MYCBP2: variants seen among roughly 807,000 people sequenced by gnomAD.
MYCBP2 encodes the protein MYC binding protein 2.
In MYCBP2, 120 loss-of-function variants were observed where a neutral mutation model predicts 525.3. That is an observed-to-expected ratio of 0.23 (90% CI 0.20 to 0.27). The LOEUF is 0.27. Ranked by LOEUF, MYCBP2 falls within the 10% of genes least tolerant of loss-of-function variation. The pLI is 1.00. For missense variants in MYCBP2, 4,149 were observed against 5,657.1 expected (o/e 0.73, Z 8.55); for synonymous variants, 1,894 against 1,955.8 (o/e 0.97, Z 0.83).
chr13:77,075,191 G>A (rs2042068632), intron 68 of MYCBP2, among the ~76,000 whole-genome samples: 1 of 152,156 alleles, frequency 6.6e-6, no homozygotes, highest in South Asian at 2.1e-4. Flanking sequence ...CTGGATGACA[G>A]AGAGAGACCC....
At chr13:77,188,096 C>A (rs1217769247) in intron 30 of MYCBP2, among the ~76,000 whole-genome samples, 2 of 145,798 alleles carry the variant, frequency 1.4e-5, no homozygotes, top group Non-Finnish European at 3.0e-5. Flanking sequence ...AAAAAAAGGT[C>A]TGGGAAGATA....
At chr13:77,177,451 C>A (rs2059820964) in intron 35 of MYCBP2, among the ~76,000 whole-genome samples, 1 of 151,026 alleles carries the variant, frequency 6.6e-6, no homozygotes, top group African/African-American at 2.4e-5. Context: ...AAGTGATCCT[C>A]CCACCCCAGC....
At chr13:77,070,206 A>G (rs1235618409) in intron 69 of MYCBP2, among the ~76,000 whole-genome samples, 1 of 152,212 alleles carries the variant, frequency 6.6e-6, no homozygotes, top group Non-Finnish European at 1.5e-5. Context: ...GGTATGCCAA[A>G]ATACTCATTC....
intron 46 of MYCBP2, among the ~76,000 whole-genome samples, chr13:77,152,153 G>C (rs2056554204): frequency 1.3e-5 from 2 of 152,166 alleles, no homozygotes; most frequent in African/African-American, 4.8e-5. Flanking sequence ...AGTAGTTTGA[G>C]ACTTTCGCTA....
rs953118638 is a variant in MYCBP2, at chr13:77,094,315, G to A, written c.10200-983C>T. ...GAGTGTCAGTGCATGATGTGTGAAA[G>A]TACAGGCTGCACCACTGAGGTCCAA... On this transcript the variant is annotated intron_variant, in intron 58 of 82. Transcript: ENST00000544440. Among the ~76,000 whole-genome samples, 4 of 152,152 alleles carry A rather than the reference G, an allele frequency of 2.6e-5. 1 individual carries two copies. In the South Asian group the frequency reaches 8.3e-4, roughly 31 times the overall value.
Position 77,130,306 on chromosome 13 carries a change from T to C in MYCBP2, c.7660-3764A>G, listed in dbSNP as rs115910637. Among the ~76,000 whole-genome samples the C allele has an allele frequency of 3.5e-3, 522 of 150,846 alleles. 2 individuals carry two copies. The highest frequency in any genetic ancestry group is 0.012 in the African/African-American group (502 of 40,620). ...ATAAGTCATTTTAGATAATGAAACTTTTCTCATTATCTCATTTTAGATAAT... is the reference window on the plus strand; with the variant it reads ...ATAAGTCATTTTAGATAATGAAACTCTTCTCATTATCTCATTTTAGATAAT... On this transcript the variant is annotated intron_variant, in intron 52 of 82. Coordinates refer to ENST00000544440, the MANE Select transcript of MYCBP2 (RefSeq NM_015057.5).
At chr13:77,211,549 TTCA>T (rs1175961070) in intron 22 of MYCBP2, among the ~76,000 whole-genome samples, 1 of 152,150 alleles carries the variant, frequency 6.6e-6, no homozygotes, top group African/African-American at 2.4e-5. Context: ...TATATAATTA[TTCA>T]CAGTATCATG....
At chr13:77,123,425 T>C (rs2051100736) in intron 54 of MYCBP2, among the ~76,000 whole-genome samples, 1 of 152,224 alleles carries the variant, frequency 6.6e-6, no homozygotes, top group South Asian at 2.1e-4. Context: ...TTCTATCTTC[T>C]AAGTTTATAA....
chr13:77,124,190 C>T (rs1043159127), intron 54 of MYCBP2, among the ~76,000 whole-genome samples: 4 of 152,076 alleles, frequency 2.6e-5, no homozygotes, highest in Non-Finnish European at 4.4e-5. Context: ...ACCAGCTGTA[C>T]AACCATAGAC....
intron 55 of MYCBP2, among the ~76,000 whole-genome samples, chr13:77,100,949 C>A (rs2046976960): frequency 1.3e-5 from 2 of 152,000 alleles, no homozygotes; most frequent in Admixed American, 6.6e-5. Context: ...AAAAGTAGTT[C>A]AAAAAATTGC....
intron 24 of MYCBP2, 102 bp from the exon 25 acceptor site, chr13:77,205,700 CA>C (rs1444112272): frequency 1.1e-6 from 1 of 938,960 alleles, no homozygotes; most frequent in Non-Finnish European, 1.5e-6. Context: ...TAAATAAACT[CA>C]GAATGTTACT....
chr13:77,082,283 T>G, intron 63 of MYCBP2: 1 of 266,746 alleles, frequency 3.7e-6, no homozygotes, highest in South Asian at 6.7e-5. Context: ...AATGAATCTA[T>G]TGTGTAAACA....
chr13:77,168,418 C>A lies in MYCBP2; in HGVS notation c.6114+10G>T. ...TTTACATTCGAATCACACTAAGAAC[C>A]GGTGCCTACCTTGTAATGCATCACA... On this transcript the variant is annotated intron_variant, in intron 40 of 82. Coordinates refer to ENST00000544440, the MANE Select transcript of MYCBP2 (RefSeq NM_015057.5). The A allele has an allele frequency of 1.2e-6, 2 of 1,611,214 alleles. No individual in the cohort carries two copies. The highest frequency in any genetic ancestry group is 1.1e-5 in the South Asian group (1 of 90,814).
intron 12 of MYCBP2, 88 bp from the exon 13 acceptor site, chr13:77,260,680 A>G (rs2073117081): frequency 1.8e-5 from 21 of 1,169,812 alleles, no homozygotes; most frequent in Admixed American, 3.0e-5. Flanking sequence ...AAAAAAACCC[A>G]TATTATTTGC....
At chr13:77,085,959 C>T (rs899328525) in intron 62 of MYCBP2, among the ~76,000 whole-genome samples, 1 of 152,080 alleles carries the variant, frequency 6.6e-6, no homozygotes, top group African/African-American at 2.4e-5. Flanking sequence ...TGTAGACTGT[C>T]CTATTTTTCC....
At chr13:77,064,350 T>C (rs917383934) in intron 73 of MYCBP2, among the ~76,000 whole-genome samples, 2 of 152,208 alleles carry the variant, frequency 1.3e-5, no homozygotes, top group African/African-American at 4.8e-5. Context: ...GCAAACAATG[T>C]ACAATGTAAT....
chr13:77,272,580 A>C (rs1389480775), intron 5 of MYCBP2, among the ~76,000 whole-genome samples: 1 of 152,240 alleles, frequency 6.6e-6, no homozygotes, highest in Non-Finnish European at 1.5e-5. Context: ...GCATGTCTAC[A>C]GAACACAGCT....
At chr13:77,233,123 T>C in intron 18 of MYCBP2, 33 bp downstream of exon 18, 1 of 1,566,690 alleles carries the variant, frequency 6.4e-7, no homozygotes, top group Non-Finnish European at 8.8e-7. Context: ...ATTGGGAAAG[T>C]ATCCCACCTA....
intron 60 of MYCBP2, among the ~76,000 whole-genome samples, chr13:77,089,294 A>G (rs1387078606): frequency 6.6e-6 from 1 of 152,140 alleles, no homozygotes; most frequent in African/African-American, 2.4e-5. Flanking sequence ...AAAACACTCT[A>G]AAAGCTAAGT....
Sources: allele counts gnomAD v4.1 joint callset (sites outside exome capture counted in the v4.1 genomes callset), GRCh38; gene constraint gnomAD v4.1.1; transcripts MANE v1.5; gene names NCBI Gene and HGNC (gene_info 2026-07-23, HGNC 2026-07-21).